The following SRFBP1 variants were observed in gnomAD, a reference collection of about 807,000 sequenced individuals.
SRFBP1 encodes serum response factor binding protein 1, also known as serum response factor-binding protein 1.
Under a neutral mutation model 45.5 loss-of-function variants are expected in SRFBP1, and 47 were observed. The observed-to-expected ratio is 1.03, with a 90% CI of 0.82 to 1.32. The LOEUF is 1.32. Among genes scored for constraint, SRFBP1 ranks in the 40% most tolerant of loss-of-function variants. SRFBP1 has a pLI of 0.00. For missense variants in SRFBP1, 621 were observed against 484.6 expected (o/e 1.28, Z -2.64); for synonymous variants, 203 against 166.3 (o/e 1.22, Z -1.70).
intron 4 of SRFBP1, 144 bp downstream of exon 4, chr5:121,994,814 C>T (rs1387734206): frequency 1.9e-6 from 1 of 538,490 alleles, no homozygotes; most frequent in Non-Finnish European, 3.2e-6. Flanking sequence ...ACTGCCACCA[C>T]AAAAAAAATT....
intron 4 of SRFBP1, among the ~76,000 whole-genome samples, chr5:121,998,578 G>C (rs1255209137): frequency 1.3e-5 from 2 of 149,230 alleles, no homozygotes; most frequent in African/African-American, 5.0e-5. Flanking sequence ...TGACGAGTTA[G>C]TGGGTGCAGC....
intron 4 of SRFBP1, among the ~76,000 whole-genome samples, chr5:122,016,011 T>C (rs1355674284): frequency 6.6e-6 from 1 of 152,214 alleles, no homozygotes; most frequent in Non-Finnish European, 1.5e-5. Flanking sequence ...ATTATGTTAT[T>C]GTGACTGTGA....
At chr5:122,077,939 C>G (rs762984867), downstream of SRFBP1, 5 of 1,499,956 alleles carry the variant, frequency 3.3e-6, no homozygotes, top group Non-Finnish European at 4.4e-6. The surrounding 1 kb of genome is among the most constrained non-coding windows in gnomAD (Gnocchi z 4.9). Context: ...CACTAGCGCG[C>G]AGAGCTGCAA....
chr5:122,055,260 C>G (rs758959587), intron 2 of SRFBP1, among the ~76,000 whole-genome samples: 1 of 152,168 alleles, frequency 6.6e-6, no homozygotes, highest in Non-Finnish European at 1.5e-5. Context: ...TTTATAAAGG[C>G]ACTTATCCCA....
intron 2 of SRFBP1, chr5:122,070,214 T>C (rs1754410841): frequency 9.4e-7 from 1 of 1,061,836 alleles, no homozygotes; most frequent in African/African-American, 1.6e-5. Flanking sequence ...TCCATAGGGC[T>C]ACAATAAGGA....
intron 2 of SRFBP1, chr5:122,066,009 A>G (rs1754290121): frequency 6.6e-6 from 1 of 152,098 alleles, no homozygotes; most frequent in Non-Finnish European, 1.5e-5. Flanking sequence ...AAAATGATAG[A>G]GGGCAGCCTC....
chr5:122,018,378 C>T (rs1266682314), intron 4 of SRFBP1, among the ~76,000 whole-genome samples: 3 of 152,026 alleles, frequency 2.0e-5, no homozygotes, highest in Non-Finnish European at 4.4e-5. Context: ...TGGTGAGAAG[C>T]GACTGGTTCT....
At chr5:122,001,852 C>T (rs189819447) in intron 4 of SRFBP1, among the ~76,000 whole-genome samples, 4 of 151,960 alleles carry the variant, frequency 2.6e-5, no homozygotes, top group East Asian at 1.9e-4. Flanking sequence ...TGAGCCACCG[C>T]GCCCGGCCAT....
At chr5:122,069,618 G>T (rs1388422312) in intron 2 of SRFBP1, among the ~76,000 whole-genome samples, 1 of 152,032 alleles carries the variant, frequency 6.6e-6, no homozygotes, top group Admixed American at 6.6e-5. Flanking sequence ...GACCAGAGGG[G>T]GCTGAACTCT....
chr5:122,077,207 T>G (rs1320844943), downstream of SRFBP1: 1 of 1,479,592 alleles, frequency 6.8e-7, no homozygotes, highest in African/African-American at 1.4e-5. This position sits in a 1 kb window ranked among gnomAD's most constrained non-coding sequence, Gnocchi z 4.9. Context: ...CGGTTTGCAC[T>G]GGATTCCAGG....
At chr5:122,049,640 A>G (rs1476660505) in intron 2 of SRFBP1, among the ~76,000 whole-genome samples, 1 of 152,190 alleles carries the variant, frequency 6.6e-6, no homozygotes, top group Non-Finnish European at 1.5e-5. Flanking sequence ...AGCACTCCCC[A>G]GCAAATGTAA....
chr5:121,973,233 C>T (rs1752236404), intron 1 of SRFBP1, among the ~76,000 whole-genome samples: 1 of 151,756 alleles, frequency 6.6e-6, no homozygotes, highest in Non-Finnish European at 1.5e-5. Context: ...AGTAACAGTG[C>T]AGTGAGGTAG....
At chr5:122,075,724 G>C (rs1462052631), downstream of SRFBP1, among the ~76,000 whole-genome samples, 1 of 152,082 alleles carries the variant, frequency 6.6e-6, no homozygotes, top group Non-Finnish European at 1.5e-5. Flanking sequence ...TCCTAGAACC[G>C]TCTTGGAGTA....
In SRFBP1 at chr5:122,022,590, C is replaced by T. The variant is rs117975898; in HGVS notation, c.1105+183C>T. ...TTGTTGGTTTTCTTTTCTTCTGTGTCCTGCCAGAGGGAAAGATATAGACAA... is the reference window on the plus strand; with the variant it reads ...TTGTTGGTTTTCTTTTCTTCTGTGTTCTGCCAGAGGGAAAGATATAGACAA... On this transcript the variant is annotated intron_variant, in intron 7 of 7. Transcript: ENST00000339397. 4.1e-3 allele frequency among the ~76,000 whole-genome samples: 623 copies of T among 152,148 alleles called. 15 individuals are homozygous for T. The East Asian group carries it at 0.053, about 13-fold the overall frequency.
intron 3 of SRFBP1, among the ~76,000 whole-genome samples, chr5:121,993,900 A>AG (rs1482787220): frequency 1.3e-5 from 2 of 151,114 alleles, no homozygotes; most frequent in Non-Finnish European, 3.0e-5. Context: ...ATTTTCTTTC[A>AG]TTTCTACTTT....
intron 6 of SRFBP1, among the ~76,000 whole-genome samples, chr5:122,021,554 G>C (rs1442179952): frequency 6.6e-6 from 1 of 151,774 alleles, no homozygotes; most frequent in African/African-American, 2.4e-5. Flanking sequence ...AACGTGTGGA[G>C]TGTTGAAATA....
At chr5:121,983,979 A>T (rs1169878628) in intron 3 of SRFBP1, among the ~76,000 whole-genome samples, 1 of 151,766 alleles carries the variant, frequency 6.6e-6, no homozygotes, top group East Asian at 1.9e-4. Flanking sequence ...ATCGTGCACA[A>T]CTGTATTAAC....
chr5:121,978,238 A>T lies in SRFBP1; in HGVS notation c.198+2851A>T, dbSNP rs1447534375. 2.6e-5 allele frequency among the ~76,000 whole-genome samples: 4 copies of T among 152,326 alleles called. No homozygotes were observed. In the East Asian group the frequency reaches 7.7e-4, roughly 29 times the overall value. ...TTTTATCCCTGTCTTACAGAATAAG[A>T]AACTCAAGCTTAGAGAAACTGAGCA... On this transcript the variant is annotated intron_variant, in intron 3 of 7. Coordinates refer to ENST00000339397, the MANE Select transcript of SRFBP1 (RefSeq NM_152546.3).
intron 3 of SRFBP1, among the ~76,000 whole-genome samples, chr5:121,983,902 A>G (rs569869578): frequency 7.9e-5 from 12 of 151,750 alleles, no homozygotes; most frequent in South Asian, 6.2e-4. Flanking sequence ...TTAGCTTCCT[A>G]TTGTCTGCCA....
Sources: allele counts gnomAD v4.1 joint callset (sites outside exome capture counted in the v4.1 genomes callset), GRCh38; gene constraint gnomAD v4.1.1; non-coding constraint Gnocchi (gnomAD v3.1); transcripts MANE v1.5; gene names NCBI Gene and HGNC (gene_info 2026-07-23, HGNC 2026-07-21).